The following IVNS1ABP variants were observed in gnomAD, a reference collection of about 807,000 sequenced individuals.
IVNS1ABP encodes influenza virus NS1A-binding protein.
A neutral mutation model predicts 78.9 loss-of-function variants in IVNS1ABP; 25 were observed. The ratio of observed to expected loss-of-function variants is 0.32; its 90% CI spans 0.23 to 0.44. The LOEUF (loss-of-function observed/expected upper bound fraction) is 0.44, where lower values mean the gene tolerates loss of function less well. Among genes scored for constraint, IVNS1ABP ranks in the 20% least tolerant of loss-of-function variants. The pLI, the probability that IVNS1ABP is intolerant of heterozygous loss-of-function variation, is 1.00. For synonymous variants in IVNS1ABP, 241 were observed against 259.7 expected, an observed-to-expected ratio of 0.93 and a Z score of 0.69; for missense variants, 494 against 768.9, an observed-to-expected ratio of 0.64 and a Z score of 4.23.
chr1:185,309,200 A>C, intron 3 of IVNS1ABP, 28 bp from the exon 4 acceptor site: 1 of 1,481,292 alleles, frequency 6.8e-7, no homozygotes, highest in Non-Finnish European at 9.1e-7. Context: ...TATAATTATA[A>C]GTATTGTGGA....
rs1002248413 is a variant in IVNS1ABP at position 185,296,524 on chromosome 1, ATAGT to A, written c.*1507_*1510del. The stretch of plus-strand genomic sequence containing the variant: ...GTTTTAGTCCAGAACCAAACCAGTG[ATAGT>A]TAGGAATTACAGAGTTACCAACCAA... On this transcript the variant is annotated 3_prime_UTR_variant, in exon 15 of 15. Coordinates refer to ENST00000367498, the MANE Select transcript of IVNS1ABP (RefSeq NM_006469.5). The A allele has an allele frequency of 3.9e-5, 6 of 152,192 alleles. No individual in the cohort carries two copies. Among genetic ancestry groups the A allele is most frequent in the Admixed American group, 2.6e-4 (4 of 15,266 alleles). The allele number at this position is 152,192 out of a possible 1,614,324, so 9.4% of individuals were successfully genotyped here.
At chr1:185,303,406 T>C (rs908027406) in intron 8 of IVNS1ABP, among the ~76,000 whole-genome samples, 3 of 152,132 alleles carry the variant, frequency 2.0e-5, no homozygotes, top group East Asian at 1.9e-4. Flanking sequence ...TAGATTCTTA[T>C]TGTCCTCTGA....
intron 1 of IVNS1ABP, among the ~76,000 whole-genome samples, chr1:185,313,573 G>A (rs910275448): frequency 7.2e-5 from 11 of 152,076 alleles, no homozygotes; most frequent in African/African-American, 2.2e-4. Context: ...GTGAGCTAGG[G>A]CAAATCAAGA....
chr1:185,302,568 G>A (rs1006249420), intron 8 of IVNS1ABP, among the ~76,000 whole-genome samples: 1 of 152,134 alleles, frequency 6.6e-6, no homozygotes. Flanking sequence ...CATATAACAA[G>A]TAATTGAGAA....
At position 185,297,212 on chromosome 1, in the gene IVNS1ABP, T is replaced by C. The variant is rs901371270; in HGVS notation, c.*823A>G. 1 of 152,172 alleles carries C rather than the reference T, an allele frequency of 6.6e-6. No individual in the cohort carries two copies. Among genetic ancestry groups the C allele is most frequent in the African/African-American group, 2.4e-5 (1 of 41,454 alleles). The allele number at this position is 152,172 out of a possible 1,614,324, so 9.4% of individuals were successfully genotyped here. ...CACCATTTTTTACTGCTATATAATG[T>C]CTTGCTATATAAAACATACCCTCAA... On this transcript the variant is annotated 3_prime_UTR_variant, in exon 15 of 15. Coordinates refer to ENST00000367498, the MANE Select transcript of IVNS1ABP (RefSeq NM_006469.5).
rs1390279028 is a variant in IVNS1ABP at position 185,297,984 on chromosome 1, T to C, written c.*51A>G. 2 of 1,578,638 alleles carry C rather than the reference T, an allele frequency of 1.3e-6. No individual in the cohort carries two copies. Among genetic ancestry groups the C allele is most frequent in the Non-Finnish European group, 1.7e-6 (2 of 1,157,100 alleles). On this transcript the variant is annotated 3_prime_UTR_variant, in exon 15 of 15. Transcript: ENST00000367498. The stretch of plus-strand genomic sequence containing the variant: ...TCTTTATTCACAAGTGTACCTCTAC[T>C]AACCATAATTACATCACTAAGCCTG...
chr1:185,301,713 A>G lies in IVNS1ABP; in HGVS notation c.766-150T>C, dbSNP rs79119546. The G allele has an allele frequency of 7.9e-3, 5,771 of 726,482 alleles. 273 individuals are homozygous for G. In the African/African-American group the frequency reaches 0.089, roughly 11 times the overall value. 45.0% of individuals were successfully genotyped at this position (726,482 alleles called of 1,614,324 possible). A position where few individuals can be genotyped will look rare whatever the true frequency, so the allele number is the denominator to read the frequency against. ...TTTAACTCAAGCCAACACTTTCCAA[A>G]TGACACAAATTACTGGCATACTTCC... On this transcript the variant is annotated intron_variant, in intron 8 of 14. Coordinates refer to ENST00000367498, the MANE Select transcript of IVNS1ABP (RefSeq NM_006469.5).
At chr1:185,299,280 C>G in intron 14 of IVNS1ABP, 1 of 163,784 alleles carries the variant, frequency 6.1e-6, no homozygotes, top group East Asian at 1.7e-4. Context: ...AAGTTTAATA[C>G]TTTGGAAACT....
rs765446535 is a variant in IVNS1ABP, at chr1:185,307,638, T to C, written c.382A>G (p.Arg128Gly). Reference protein sequence around the residue: ...KQVCGDYLLSRMDVTSCISYR... With the variant: ...KQVCGDYLLSGMDVTSCISYR... ...GAGATGCAGCTGGTAACATCCATTCTAGACAGTAAATAATCACCACAAACC... is the reference window on the plus strand; with the variant it reads ...GAGATGCAGCTGGTAACATCCATTCCAGACAGTAAATAATCACCACAAACC... The change falls in exon 6 of 15, where the codon AGA becomes GGA. Residue 128 changes from arginine (R) to glycine (G), a missense_variant. By Grantham distance (125) the Arg-to-Gly change is moderately radical (BLOSUM62 -2). Transcript: ENST00000367498. 1 of 1,613,456 alleles carries C rather than the reference T, an allele frequency of 6.2e-7. No homozygotes were observed. Among genetic ancestry groups the C allele is most frequent in the South Asian group, 1.1e-5 (1 of 91,024 alleles).
chr1:185,305,545 CTG>C lies in IVNS1ABP; in HGVS notation c.754_755del (p.Gln252ValfsTer9). ...ACTGTGCAATGTGTACCTGCACAAA[CTG>C]AATGTGGTCATCATCACTGCCAAAC... ...EVFGSDDDHI[Q>X]FVQKKPPREN... On this transcript the variant is annotated frameshift_variant, in exon 8 of 15. Transcript: ENST00000367498. LOFTEE classifies it high-confidence loss of function. The surrounding 1 kb of genome is among the most constrained non-coding windows in gnomAD (Gnocchi z 4.0). The C allele has an allele frequency of 6.2e-7, 1 of 1,612,998 alleles. No individual in the cohort carries two copies. Among genetic ancestry groups the C allele is most frequent in the Non-Finnish European group, 8.5e-7 (1 of 1,179,482 alleles).
In IVNS1ABP at chr1:185,308,794, C is replaced by T. The variant is rs373983761; in HGVS notation, c.357+6G>A. The T allele has an allele frequency of 3.1e-5, 50 of 1,594,748 alleles. No homozygotes were observed. The highest frequency in any genetic ancestry group is 1.9e-4 in the Admixed American group (11 of 58,810). On this transcript the variant is annotated splice_donor_region_variant and intron_variant, in intron 5 of 14. Coordinates refer to ENST00000367498, the MANE Select transcript of IVNS1ABP (RefSeq NM_006469.5). ...TAAATGATTTTATTTACTTCTGATA[C>T]TCTACCTGCTTTACTCGATCCATCT...
rs1665603815 is a variant in IVNS1ABP, at chr1:185,301,648, A to C, written c.766-85T>G. The stretch of plus-strand genomic sequence containing the variant: ...GTTCCTGAGCTATTCCACAACACTG[A>C]GTATCCTTCACCTATATATGACATT... On this transcript the variant is annotated intron_variant, in intron 8 of 14. Transcript: ENST00000367498. 2.1e-6 allele frequency: 3 copies of C among 1,429,092 alleles called. No homozygotes were observed. In the Admixed American group the frequency reaches 5.3e-5, roughly 25 times the overall value. The allele number at this position is 1,429,092 out of a possible 1,614,324, so 88.5% of individuals were successfully genotyped here.
At chr1:185,312,295 G>A (rs537687079) in intron 1 of IVNS1ABP, among the ~76,000 whole-genome samples, 8 of 152,042 alleles carry the variant, frequency 5.3e-5, no homozygotes, top group African/African-American at 1.9e-4. Context: ...AAATTCTGAT[G>A]GTACTTATTT....
At chr1:185,306,396 C>A in intron 7 of IVNS1ABP, 1 of 1,092,890 alleles carries the variant, frequency 9.2e-7, no homozygotes, top group Non-Finnish European at 1.2e-6. Context: ...TTAAAAGTAG[C>A]CCAAGTTAAG....
Position 185,299,714 on chromosome 1 carries a change from A to G in IVNS1ABP, c.1671T>C (p.Leu557=). 4.3e-6 allele frequency: 7 copies of G among 1,613,604 alleles called. 1 individual carries two copies. In the South Asian group the frequency reaches 7.7e-5, roughly 18 times the overall value. ...TCTCCAAATCCCAACACTCACCATT[A>G]AGAACAGCCACTCCAGCTCCTCGCC... The part of the protein sequence containing the change: ...VARRGAGVAV[L]NGKLFVCGGF... Residue 557 remains leucine (L), a synonymous_variant, in exon 14 of 15, where the codon CTT becomes CTC. Transcript: ENST00000367498.
intron 5 of IVNS1ABP, chr1:185,307,897 A>G (rs1311658267): frequency 6.6e-7 from 1 of 1,505,174 alleles, no homozygotes; most frequent in African/African-American, 1.4e-5. Flanking sequence ...ATGCTATGTA[A>G]GTTCACATAA....
chr1:185,314,573 C>T (rs1221489706), intron 1 of IVNS1ABP, among the ~76,000 whole-genome samples: 1 of 152,134 alleles, frequency 6.6e-6, no homozygotes, highest in East Asian at 1.9e-4. Flanking sequence ...AAGGTTTAAA[C>T]AATGCTAAGC....
chr1:185,307,083 T>C lies in IVNS1ABP; in HGVS notation c.588A>G (p.Thr196=), dbSNP rs763400524. 3.7e-6 allele frequency: 6 copies of C among 1,613,444 alleles called. No homozygotes were observed. In the East Asian group the frequency reaches 8.9e-5, roughly 24 times the overall value. Reference sequence around the variant, plus strand: ...TACGCTGCACCCAGTTGATTACCTTTGTATATAATTTGCCATTGCTGGGCA... The same window carrying C: ...TACGCTGCACCCAGTTGATTACCTTCGTATATAATTTGCCATTGCTGGGCA... The part of the protein sequence containing the change: ...VCLPSNGKLY[T]KVINWVQRSI... The change falls in exon 7 of 15, where the codon ACA becomes ACG. Residue 196 remains threonine (T), a synonymous_variant. Coordinates refer to ENST00000367498, the MANE Select transcript of IVNS1ABP (RefSeq NM_006469.5).
Position 185,307,967 on chromosome 1 carries a change from CTACAGGAGAGAT to C in IVNS1ABP, c.358-317_358-306del. 1.9e-6 allele frequency: 3 copies of C among 1,549,600 alleles called. No homozygotes were observed. In the East Asian group the frequency reaches 7.3e-5, roughly 38 times the overall value. ...TGAAACGCAGTATCTGAACTGGGCTCTACAGGAGAGATGATGTTGATGTTGAATGCAGACAGA... is the reference window on the plus strand; with the variant it reads ...TGAAACGCAGTATCTGAACTGGGCTCGATGTTGATGTTGAATGCAGACAGA... On this transcript the variant is annotated intron_variant, in intron 5 of 14. Transcript: ENST00000367498.
Sources: allele counts gnomAD v4.1 joint callset (sites outside exome capture counted in the v4.1 genomes callset), GRCh38; gene constraint gnomAD v4.1.1; non-coding constraint Gnocchi (gnomAD v3.1); transcripts MANE v1.5; gene names NCBI Gene and HGNC (gene_info 2026-07-23, HGNC 2026-07-21).